Variants in CCNY observed in about 807,000 individuals in gnomAD.
CCNY encodes cyclin Y.
CCNY carries 19 observed loss-of-function variants against 42.8 expected under a neutral mutation model. That is an observed-to-expected ratio of 0.44 (90% confidence interval 0.31 to 0.65). CCNY has a LOEUF of 0.65. CCNY is among the 30% of genes least tolerant of loss of function. CCNY has a pLI of 0.07. For synonymous variants in CCNY, 165 were observed against 162.7 expected (o/e 1.01, Z -0.11); for missense variants, 370 against 437.3 (o/e 0.85, Z 1.37).
chr10:35,280,278 G>A (rs1450426916), intron 3 of CCNY, among the ~76,000 whole-genome samples: 2 of 152,002 alleles, frequency 1.3e-5, no homozygotes, highest in Admixed American at 6.6e-5. Flanking sequence ...AGTGAGCTGA[G>A]ATTGCACCAC....
chr10:35,550,273 C>T (rs1010850730), intron 7 of CCNY, among the ~76,000 whole-genome samples: 3 of 151,300 alleles, frequency 2.0e-5, no homozygotes, highest in Non-Finnish European at 4.4e-5. Flanking sequence ...GCTCATAGTC[C>T]GTGACCCTAC....
At chr10:35,359,215 T>C (rs1168523911) in intron 1 of CCNY, among the ~76,000 whole-genome samples, 1 of 152,188 alleles carries the variant, frequency 6.6e-6, no homozygotes, top group Non-Finnish European at 1.5e-5. Context: ...TGCCTCCCCC[T>C]GTCCTGTCCC....
At chr10:35,375,006 G>A (rs1589071922) in intron 1 of CCNY, among the ~76,000 whole-genome samples, 1 of 151,924 alleles carries the variant, frequency 6.6e-6, no homozygotes, top group Non-Finnish European at 1.5e-5. Context: ...CCAGGTCAGG[G>A]CCTCTATCTT....
chr10:35,337,960 TTTTA>T (rs1170199115), intron 1 of CCNY, among the ~76,000 whole-genome samples: 4 of 152,166 alleles, frequency 2.6e-5, no homozygotes, highest in Admixed American at 6.5e-5. Flanking sequence ...CGCAGTAATG[TTTTA>T]TTTATTTTAT....
At chr10:35,407,012 G>A (rs7090586) in intron 1 of CCNY, among the ~76,000 whole-genome samples, 8,110 of 152,260 alleles carry the variant, frequency 0.053, 325 homozygotes, top group African/African-American at 0.11. Flanking sequence ...GTGGTAAAGC[G>A]TCTAAGGGTT....
upstream of CCNY, chr10:35,332,567 T>C (rs1005151713): frequency 6.6e-6 from 1 of 152,250 alleles, no homozygotes; most frequent in African/African-American, 2.4e-5. Context: ...AAAGCTACTA[T>C]TGCTAAAAAA....
chr10:35,565,683 CA>C (rs1841555944), intron 8 of CCNY, among the ~76,000 whole-genome samples: 1 of 152,210 alleles, frequency 6.6e-6, no homozygotes, highest in South Asian at 2.1e-4. Flanking sequence ...CTCCACGTGG[CA>C]GCTCTTGGCT....
chr10:35,373,189 G>C (rs1836976590), intron 1 of CCNY, among the ~76,000 whole-genome samples: 1 of 152,142 alleles, frequency 6.6e-6, no homozygotes. Flanking sequence ...TGCGGTTTTG[G>C]GTGATTGCAT....
intron 1 of CCNY, among the ~76,000 whole-genome samples, chr10:35,374,797 G>A (rs965209826): frequency 3.3e-5 from 5 of 152,222 alleles, no homozygotes; most frequent in African/African-American, 1.2e-4. Flanking sequence ...GGGAAAAAAA[G>A]GGGATGGAAA....
intron 1 of CCNY, among the ~76,000 whole-genome samples, chr10:35,391,979 ACATTT>A (rs58846695): frequency 0.4 from 60,436 of 151,598 alleles, 12,432 homozygotes; most frequent in African/African-American, 0.5. Context: ...GCCTTCTATA[ACATTT>A]ATTCCTATAA....
At chr10:35,322,723 G>A (rs1157519286) in intron 3 of CCNY, among the ~76,000 whole-genome samples, 1 of 152,148 alleles carries the variant, frequency 6.6e-6, no homozygotes, top group African/African-American at 2.4e-5. Context: ...TATCCAACAT[G>A]CACACAAAAA....
intron 5 of CCNY, among the ~76,000 whole-genome samples, chr10:35,527,797 G>A (rs968752067): frequency 6.6e-6 from 1 of 152,236 alleles, no homozygotes; most frequent in African/African-American, 2.4e-5. Flanking sequence ...AGGGATGCCC[G>A]TCTGCATGCC....
rs550324688 is a variant in CCNY, at chr10:35,505,347, A to G, written c.264+3812A>G. ...GCCAGCTTCCTTTGTCTTGTTTGCCATAGGTGCACTTTGAAACGAGAAAGC... is the reference window on the plus strand; with the variant it reads ...GCCAGCTTCCTTTGTCTTGTTTGCCGTAGGTGCACTTTGAAACGAGAAAGC... On this transcript the variant is annotated intron_variant, in intron 3 of 9. Coordinates refer to ENST00000374704, the MANE Select transcript of CCNY (RefSeq NM_145012.6). 4.6e-5 allele frequency among the ~76,000 whole-genome samples: 7 copies of G among 152,192 alleles called. No individual in the cohort carries two copies. In the South Asian group the frequency reaches 1.0e-3, roughly 23 times the overall value.
intron 3 of CCNY, among the ~76,000 whole-genome samples, chr10:35,321,488 T>C (rs1328413423): frequency 6.6e-6 from 1 of 151,946 alleles, no homozygotes; most frequent in Non-Finnish European, 1.5e-5. Flanking sequence ...GCCTGGGCAA[T>C]GTGGTGAAAC....
chr10:35,392,820 GAGCCT>G (rs1394054868), intron 1 of CCNY, among the ~76,000 whole-genome samples: 1 of 152,184 alleles, frequency 6.6e-6, no homozygotes, highest in Non-Finnish European at 1.5e-5. Flanking sequence ...GGCCATTACA[GAGCCT>G]AGCCCAGATG....
chr10:35,402,587 G>A (rs919685618), intron 1 of CCNY, among the ~76,000 whole-genome samples: 2 of 152,200 alleles, frequency 1.3e-5, no homozygotes, highest in African/African-American at 4.8e-5. Context: ...GAAATGCAAA[G>A]CCAGCAATTG....
intron 1 of CCNY, among the ~76,000 whole-genome samples, chr10:35,372,503 A>T (rs970604430): frequency 5.3e-5 from 8 of 151,118 alleles, no homozygotes; most frequent in Admixed American, 2.6e-4. Context: ...CCTTTCTCTC[A>T]CTCTTGGCCC....
chr10:35,266,424 T>C (rs897444948), intron 3 of CCNY, among the ~76,000 whole-genome samples: 1 of 151,818 alleles, frequency 6.6e-6, no homozygotes, highest in Non-Finnish European at 1.5e-5. Flanking sequence ...AAGTGAGAAA[T>C]GTAGCATGAT....
At chr10:35,321,412 C>G (rs1268455785) in intron 3 of CCNY, among the ~76,000 whole-genome samples, 1 of 151,874 alleles carries the variant, frequency 6.6e-6, no homozygotes, top group South Asian at 2.1e-4. Context: ...ATGGCTCACA[C>G]CTATAATCCC....
Sources: gnomAD v4.1 joint callset for allele counts (sites outside exome capture counted in the v4.1 genomes callset) on GRCh38, gnomAD v4.1.1 for gene constraint, MANE v1.5 for transcripts, NCBI Gene and HGNC (gene_info 2026-07-23, HGNC 2026-07-21) for gene names.